The following SCTR variants were observed in gnomAD, a reference collection of about 807,000 sequenced individuals.
SCTR encodes the protein pancreatic secretin receptor.
Under a neutral mutation model 60.8 loss-of-function variants are expected in SCTR, and 56 were observed. That is an observed-to-expected ratio of 0.92 (90% CI 0.74 to 1.15). The LOEUF is 1.15. Among genes scored for constraint, SCTR ranks in the 50% most tolerant of loss-of-function variants. The probability of loss-of-function intolerance (pLI) is 0.00; values close to 1 mark genes in which losing one functional copy is unlikely to be tolerated. For missense variants in SCTR, 562 were observed against 550.4 expected (o/e 1.02, Z -0.21); for synonymous variants, 202 against 217.0 (o/e 0.93, Z 0.61).
At chr2:119,490,427 T>C (rs116294864) in intron 2 of SCTR, among the ~76,000 whole-genome samples, 1 of 152,350 alleles carries the variant, frequency 6.6e-6, no homozygotes, top group African/African-American at 2.4e-5. Context: ...TTCCCGCTCC[T>C]GCACTCTCCT....
rs374660829 is a variant in SCTR at position 119,465,784 on chromosome 2, C to T, written c.503+5G>A. On this transcript the variant is annotated splice_donor_5th_base_variant and intron_variant, in intron 5 of 12. Transcript: ENST00000019103. ...GGGTATGGAGAGCTGGCAGTGTGTT[C>T]TCACCGGAAAGCACAGAGGATGCCA... is the stretch of plus-strand genomic sequence containing the variant. The T allele has an allele frequency of 8.7e-6, 14 of 1,601,730 alleles. No individual in the cohort carries two copies. In the East Asian group the frequency reaches 2.2e-4, roughly 26 times the overall value.
chr2:119,464,306 A>G, intron 5 of SCTR, 51 bp from the exon 6 acceptor site: 1 of 1,602,296 alleles, frequency 6.2e-7, no homozygotes, highest in South Asian at 1.1e-5. Flanking sequence ...AGGGGCTGGG[A>G]CTCAGCCAGG....
intron 9 of SCTR, among the ~76,000 whole-genome samples, chr2:119,449,403 ACTTAAAATATCTT>A (rs143600057): frequency 0.011 from 1,618 of 152,344 alleles, 18 homozygotes; most frequent in Non-Finnish European, 0.019. Context: ...GTGTAAGAGC[ACTTAAAATATCTT>A]TTTTTTTCTT....
intron 1 of SCTR, among the ~76,000 whole-genome samples, chr2:119,504,420 C>T (rs528041347): frequency 6.6e-6 from 1 of 151,848 alleles, no homozygotes; most frequent in South Asian, 2.1e-4. Flanking sequence ...TGGTGAAACC[C>T]CACCTACTAA....
chr2:119,455,267 T>C (rs866902551), intron 7 of SCTR, among the ~76,000 whole-genome samples: 24 of 152,320 alleles, frequency 1.6e-4, no homozygotes, highest in Middle Eastern at 6.8e-3. Flanking sequence ...AGCCTATAGA[T>C]AGCCATGGGG....
chr2:119,441,309 C>G (rs147019544), intron 12 of SCTR, among the ~76,000 whole-genome samples: 2 of 152,232 alleles, frequency 1.3e-5, no homozygotes, highest in Non-Finnish European at 2.9e-5. Context: ...CCAGTCCAGA[C>G]CTACAGAATT....
intron 1 of SCTR, among the ~76,000 whole-genome samples, chr2:119,516,085 G>A (rs1679106549): frequency 6.6e-6 from 1 of 152,276 alleles, no homozygotes; most frequent in African/African-American, 2.4e-5. Flanking sequence ...ACAATGATGT[G>A]GAGAAAAGGA....
chr2:119,469,049 A>G (rs1186421792), intron 4 of SCTR, among the ~76,000 whole-genome samples: 1 of 152,084 alleles, frequency 6.6e-6, no homozygotes, highest in Non-Finnish European at 1.5e-5. Context: ...TGAGTTCCCC[A>G]CTGATGTAAC....
intron 12 of SCTR, among the ~76,000 whole-genome samples, chr2:119,441,176 T>C (rs957164786): frequency 2.0e-5 from 3 of 152,114 alleles, no homozygotes; most frequent in Non-Finnish European, 4.4e-5. Context: ...GTGACTGAGA[T>C]CGCCCATTAA....
chr2:119,442,203 C>T (rs1008012985), intron 11 of SCTR, among the ~76,000 whole-genome samples: 1 of 152,190 alleles, frequency 6.6e-6, no homozygotes, highest in Non-Finnish European at 1.5e-5. Flanking sequence ...GCCTGTAAGA[C>T]CCTCCCTCCC....
At chr2:119,490,399 C>T (rs557870302) in intron 2 of SCTR, among the ~76,000 whole-genome samples, 2 of 152,222 alleles carry the variant, frequency 1.3e-5, no homozygotes, top group East Asian at 3.9e-4. Context: ...TCCAGGCTGG[C>T]TCCTGGGTTC....
At chr2:119,470,776 C>G (rs1250282166) in intron 4 of SCTR, among the ~76,000 whole-genome samples, 1 of 152,206 alleles carries the variant, frequency 6.6e-6, no homozygotes, top group Non-Finnish European at 1.5e-5. Context: ...TCTTGGCTCA[C>G]TGCAACCTCT....
chr2:119,477,749 C>T (rs1046233323), intron 3 of SCTR, among the ~76,000 whole-genome samples: 1 of 152,236 alleles, frequency 6.6e-6, no homozygotes, highest in African/African-American at 2.4e-5. Context: ...CCGCACCCAG[C>T]CTGTTTTGGA....
intron 1 of SCTR, among the ~76,000 whole-genome samples, chr2:119,518,595 T>C (rs1164154937): frequency 1.3e-5 from 2 of 152,138 alleles, no homozygotes; most frequent in Non-Finnish European, 2.9e-5. Context: ...CAGGAGTCCA[T>C]AGGAATGCTG....
rs1347532871 is a variant in SCTR at position 119,515,702 on chromosome 2, T to A, written c.72+8453A>T. 2.6e-5 allele frequency among the ~76,000 whole-genome samples: 4 copies of A among 152,220 alleles called. No homozygotes were observed. In the East Asian group the frequency reaches 7.7e-4, roughly 29 times the overall value. On this transcript the variant is annotated intron_variant, in intron 1 of 12. Coordinates refer to ENST00000019103, the MANE Select transcript of SCTR (RefSeq NM_002980.3). ...GGTCCCCCCATGGTTCCCAGGACTC[T>A]AGCTTCTGACTGAGTTCCACCATCA... is the stretch of plus-strand genomic sequence containing the variant.
chr2:119,474,891 G>T (rs530208257), intron 3 of SCTR, among the ~76,000 whole-genome samples: 1 of 152,252 alleles, frequency 6.6e-6, no homozygotes, highest in Non-Finnish European at 1.5e-5. Flanking sequence ...CCCTGTGGAG[G>T]CTCAGGAGGC....
intron 1 of SCTR, among the ~76,000 whole-genome samples, chr2:119,500,979 T>G (rs1393861639): frequency 2.0e-5 from 3 of 152,160 alleles, no homozygotes; most frequent in Non-Finnish European, 2.9e-5. Context: ...TATATGATTA[T>G]CACATGAACC....
At chr2:119,449,516 T>C (rs998563785) in intron 9 of SCTR, among the ~76,000 whole-genome samples, 8 of 152,308 alleles carry the variant, frequency 5.3e-5, no homozygotes, top group South Asian at 2.1e-4. Flanking sequence ...GCCAATTCAA[T>C]TGTAACTTCC....
intron 12 of SCTR, among the ~76,000 whole-genome samples, chr2:119,440,477 A>G (rs988040377): frequency 3.3e-5 from 5 of 152,166 alleles, no homozygotes; most frequent in Admixed American, 2.6e-4. Flanking sequence ...ATCTCATTAC[A>G]TCGTGTCTTA....
Sources: gnomAD v4.1 joint callset for allele counts (sites outside exome capture counted in the v4.1 genomes callset) on GRCh38, gnomAD v4.1.1 for gene constraint, MANE v1.5 for transcripts, NCBI Gene and HGNC (gene_info 2026-07-23, HGNC 2026-07-21) for gene names.